Variants in SETD1B observed in about 807,000 individuals in gnomAD.
The protein encoded by SETD1B is histone-lysine N-methyltransferase SETD1B.
Under a neutral mutation model 148.0 loss-of-function variants are expected in SETD1B, and 7 were observed. The ratio of observed to expected loss-of-function variants is 0.05; its 90% CI spans 0.03 to 0.09. The LOEUF is 0.09. SETD1B is among the 10% of genes least tolerant of loss of function. The pLI is 1.00. For synonymous variants in SETD1B, 1,361 were observed against 1,186.5 expected (o/e 1.15, Z -3.02); for missense variants, 2,155 against 2,729.9 (o/e 0.79, Z 4.69).
intron 4 of SETD1B, 44 bp downstream of exon 4, chr12:121,806,149 A>G (rs1240443378): frequency 3.3e-6 from 5 of 1,530,670 alleles, no homozygotes; most frequent in Non-Finnish European, 4.4e-6. Context: ...TGTCAGCCCG[A>G]CCCTTTCCCT....
chr12:121,818,055 T>G (rs1450389307), intron 10 of SETD1B, among the ~76,000 whole-genome samples, 151 bp downstream of exon 10: 1 of 152,132 alleles, frequency 6.6e-6, no homozygotes, highest in Non-Finnish European at 1.5e-5. Flanking sequence ...TGGCGTACGG[T>G]TCCATCTTCA....
Position 121,830,046 on chromosome 12 carries a change from C to A in SETD1B, c.5728-20C>A, listed in dbSNP as rs1877020519. On this transcript the variant is annotated intron_variant, in intron 16 of 16. Coordinates refer to ENST00000604567, the MANE Select transcript of SETD1B (RefSeq NM_001353345.2). This position sits in a 1 kb window ranked among gnomAD's most constrained non-coding sequence, Gnocchi z 5.7. ...CCCTGGGGGACCAGGGGCTCATTCT[C>A]CCCCCCACCTTGCCTGCAGCCCAAC... The A allele has an allele frequency of 1.3e-6, 2 of 1,540,772 alleles. No individual in the cohort carries two copies. The highest frequency in any genetic ancestry group is 1.8e-6 in the Non-Finnish European group (2 of 1,139,688).
At chr12:121,797,412 A>G in the SETD1B span, 2 of 454,764 alleles carry the variant, frequency 4.4e-6, no homozygotes, top group South Asian at 3.1e-5. Context: ...TCGAGGGACC[A>G]GCAGGAACAG....
In SETD1B at chr12:121,817,154, G is replaced by T; in HGVS notation, c.2837G>T (p.Gly946Val). 6.5e-7 allele frequency: 1 copy of T among 1,549,166 alleles called. No homozygotes were observed. ...WGKGEGLGYEGLGLGIGLRGA... is the reference protein window; with the variant it reads ...WGKGEGLGYEVLGLGIGLRGA... ...AAGGGCGAGGGCCTGGGCTACGAGG[G>T]CCTGGGCCTGGGCATTGGGCTGCGT... is the stretch of plus-strand genomic sequence containing the variant. Residue 946 changes from glycine (G) to valine (V), a missense_variant, in exon 8 of 17, where the codon GGC (glycine) becomes GTC (valine). This residue lies in a region of SETD1B where 289 missense variants were observed against 423.7 expected (regional missense o/e 0.68). Transcript: ENST00000604567. This position sits in a 1 kb window ranked among gnomAD's most constrained non-coding sequence, Gnocchi z 8.1.
intron 4 of SETD1B, among the ~76,000 whole-genome samples, chr12:121,806,845 C>T (rs930604577): frequency 2.0e-5 from 3 of 152,202 alleles, no homozygotes; most frequent in African/African-American, 7.2e-5. Context: ...TTCGGAGGCC[C>T]CTGCAGGACC....
At position 121,810,893 on chromosome 12, in the gene SETD1B, T is replaced by G; in HGVS notation, c.1890+58T>G. ...GGTTTTGTCTATCTTGTATCTCCCTTTCCCCCTTCAAGCATTTAGCATGAC... is the reference window on the plus strand; with the variant it reads ...GGTTTTGTCTATCTTGTATCTCCCTGTCCCCCTTCAAGCATTTAGCATGAC... On this transcript the variant is annotated intron_variant, in intron 6 of 16. Transcript: ENST00000604567. The surrounding 1 kb of genome is among the most constrained non-coding windows in gnomAD (Gnocchi z 7.6). The G allele has an allele frequency of 6.9e-7, 1 of 1,442,464 alleles. No individual in the cohort carries two copies. Among genetic ancestry groups the G allele is most frequent in the African/African-American group, 1.4e-5 (1 of 69,700 alleles). 89.4% of individuals were successfully genotyped at this position (1,442,464 alleles called of 1,614,324 possible).
the SETD1B span, among the ~76,000 whole-genome samples, chr12:121,794,785 C>A: frequency 4.6e-5 from 7 of 152,116 alleles, no homozygotes; most frequent in Non-Finnish European, 8.8e-5. Flanking sequence ...GAGGGACCCC[C>A]CCCTGGAGCC....
chr12:121,814,194 T>C lies in SETD1B; in HGVS notation c.1979T>C (p.Met660Thr), dbSNP rs1235171555. The C allele has an allele frequency of 6.5e-7, 1 of 1,543,672 alleles. No homozygotes were observed. Among genetic ancestry groups the C allele is most frequent in the South Asian group, 1.2e-5 (1 of 83,804 alleles). The change falls in exon 7 of 17, where the codon ATG (methionine) becomes ACG (threonine). Residue 660 changes from methionine to threonine, a missense_variant. Met to Thr is a moderately conservative substitution (Grantham distance 81). Transcript: ENST00000604567. ...ACCAGCGCTGACTGCCCCAAGCCCATGGTGGTGACCCCAGGAGCGGCAGCC... is the reference window on the plus strand; with the variant it reads ...ACCAGCGCTGACTGCCCCAAGCCCACGGTGGTGACCCCAGGAGCGGCAGCC... ...PITSADCPKP[M>T]VVTPGAAAVA...
At chr12:121,802,967 G>C (rs1875467959), upstream of SETD1B, 2 of 152,246 alleles carry the variant, frequency 1.3e-5, no homozygotes, top group Non-Finnish European at 2.9e-5. Context: ...TGAGATCAGC[G>C]TCTAATAACT....
intron 10 of SETD1B, 129 bp downstream of exon 10, chr12:121,818,033 AC>A (rs1876383651): frequency 1.1e-6 from 1 of 895,930 alleles, no homozygotes; most frequent in Admixed American, 3.0e-5. Context: ...TTGTTAAAAC[AC>A]ACACACAGGG....
At position 121,817,334 on chromosome 12, in the gene SETD1B, C is replaced by A. The variant is rs940165024; in HGVS notation, c.2978-36C>A. 4.5e-6 allele frequency: 7 copies of A among 1,538,502 alleles called. No individual in the cohort carries two copies. The African/African-American group carries it at 9.6e-5, about 21-fold the overall frequency. On this transcript the variant is annotated intron_variant, in intron 8 of 16. Coordinates refer to ENST00000604567, the MANE Select transcript of SETD1B (RefSeq NM_001353345.2). The surrounding 1 kb of genome is among the most constrained non-coding windows in gnomAD (Gnocchi z 8.1). ...TGCTGGGGTCCCCTTCTTCCGCATC[C>A]CCCCAGCCCAGCTCTGACTCCCTCC...
chr12:121,794,757 T>C, the SETD1B span, among the ~76,000 whole-genome samples: 1 of 141,100 alleles, frequency 7.1e-6, no homozygotes, highest in East Asian at 2.2e-4. Context: ...ACCACCCAGA[T>C]GAGTCGACAG....
the SETD1B span, among the ~76,000 whole-genome samples, chr12:121,799,000 A>G: frequency 2.0e-5 from 3 of 152,240 alleles, no homozygotes; most frequent in Non-Finnish European, 4.4e-5. Flanking sequence ...ATGTGTTCCC[A>G]GACCACAGCA....
rs1037138738 is a variant in SETD1B at position 121,814,617 on chromosome 12, C to G, written c.2402C>G (p.Ala801Gly). Reference sequence around the variant, plus strand: ...CCCTACCCGCCCTTCATGGCCGCTGCGGCCGCCGCTGCCTCAGCTGGGCTC... The same window carrying G: ...CCCTACCCGCCCTTCATGGCCGCTGGGGCCGCCGCTGCCTCAGCTGGGCTC... ...ACPYPPFMAAAAAAASAGLQF... is the reference protein window; with the variant it reads ...ACPYPPFMAAGAAAASAGLQF... Residue 801 changes from alanine to glycine, a missense_variant, in exon 7 of 17, where the codon GCG becomes GGG. Coordinates refer to ENST00000604567, the MANE Select transcript of SETD1B (RefSeq NM_001353345.2). 2.6e-6 allele frequency: 4 copies of G among 1,542,884 alleles called. No homozygotes were observed. The highest frequency in any genetic ancestry group is 3.5e-6 in the Non-Finnish European group (4 of 1,142,356).
Position 121,810,348 on chromosome 12 carries a change from C to G in SETD1B, c.1403C>G (p.Pro468Arg). 1.3e-6 allele frequency: 2 copies of G among 1,546,592 alleles called. No homozygotes were observed. The highest frequency in any genetic ancestry group is 3.9e-5 in the Admixed American group (2 of 50,976). Residue 468 changes from proline (P) to arginine (R), a missense_variant, in exon 6 of 17, where the codon CCC (proline) becomes CGC (arginine). Pro to Arg is a moderately radical substitution (Grantham distance 103, BLOSUM62 -2). Around this residue, in one of 11 missense-constraint regions of SETD1B, gnomAD observed 376 missense variants for 385.0 expected, o/e 0.98. Transcript: ENST00000604567. The surrounding 1 kb of genome is among the most constrained non-coding windows in gnomAD (Gnocchi z 7.6). ...DTNSMELGGRPTFGWSPEPCD... is the reference protein window; with the variant it reads ...DTNSMELGGRRTFGWSPEPCD... Reference sequence around the variant, plus strand: ...AACAGCATGGAGCTGGGCGGCCGGCCCACCTTCGGCTGGAGTCCTGAGCCC... The same window carrying G: ...AACAGCATGGAGCTGGGCGGCCGGCGCACCTTCGGCTGGAGTCCTGAGCCC...
At chr12:121,806,985 C>T (rs1435309451) in intron 4 of SETD1B, among the ~76,000 whole-genome samples, 2 of 152,174 alleles carry the variant, frequency 1.3e-5, no homozygotes, top group Non-Finnish European at 2.9e-5. Context: ...GTCATTCGGT[C>T]CCTAGCCCAC....
Position 121,815,069 on chromosome 12 carries a change from C to T in SETD1B, c.2715+139C>T, listed in dbSNP as rs1387009207. On this transcript the variant is annotated intron_variant, in intron 7 of 16. Coordinates refer to ENST00000604567, the MANE Select transcript of SETD1B (RefSeq NM_001353345.2). Reference sequence around the variant, plus strand: ...CTATGGGAGCTCCATTTCATGTGGCCACTTTCAAAGTTCCGCAAACTGTGC... The same window carrying T: ...CTATGGGAGCTCCATTTCATGTGGCTACTTTCAAAGTTCCGCAAACTGTGC... 4.9e-6 allele frequency: 4 copies of T among 811,954 alleles called. No homozygotes were observed. The Admixed American group carries it at 1.2e-4, about 24-fold the overall frequency. The allele number at this position is 811,954 out of a possible 1,614,324, so 50.3% of individuals were successfully genotyped here. A position where few individuals can be genotyped will look rare whatever the true frequency, so the allele number is the denominator to read the frequency against.
In SETD1B at chr12:121,822,978, C is replaced by T. The variant is rs1351338322; in HGVS notation, c.4399C>T (p.Leu1467Phe). 2 of 1,536,486 alleles carry T rather than the reference C, an allele frequency of 1.3e-6. No individual in the cohort carries two copies. Among genetic ancestry groups the T allele is most frequent in the Non-Finnish European group, 8.8e-7 (1 of 1,142,216 alleles). Residue 1467 changes from leucine (L) to phenylalanine (F), a missense_variant, in exon 12 of 17, where the codon CTC becomes TTC. Around this residue, in one of 11 missense-constraint regions of SETD1B, gnomAD observed 862 missense variants for 873.8 expected, o/e 0.99. Transcript: ENST00000604567. ...ERSGPLASPVLLETGLPLPLP... is the reference protein window; with the variant it reads ...ERSGPLASPVFLETGLPLPLP... ...CTCCGGGCCCCTGGCCTCCCCGGTGCTCCTGGAGACGGGCCTGCCCCTCCC... is the reference window on the plus strand; with the variant it reads ...CTCCGGGCCCCTGGCCTCCCCGGTGTTCCTGGAGACGGGCCTGCCCCTCCC...
intron 13 of SETD1B, among the ~76,000 whole-genome samples, chr12:121,826,417 A>G (rs1876843686): frequency 6.6e-6 from 1 of 152,128 alleles, no homozygotes; most frequent in Non-Finnish European, 1.5e-5. Context: ...TGAAAAAGCG[A>G]CTTCCATAAA....
Sources: gnomAD v4.1 joint callset for allele counts (sites outside exome capture counted in the v4.1 genomes callset) on GRCh38, gnomAD v4.1.1 for gene constraint, gnomAD v4.1.1 regional missense constraint, Gnocchi (gnomAD v3.1) non-coding constraint, MANE v1.5 for transcripts, NCBI Gene and HGNC (gene_info 2026-07-23, HGNC 2026-07-21) for gene names.